MLC1: variants seen among roughly 807,000 people sequenced by gnomAD.
MLC1 encodes the protein modulator of VRAC current 1.
MLC1 carries 32 observed loss-of-function variants against 44.7 expected under a neutral mutation model. The observed-to-expected ratio is 0.72, with a 90% CI of 0.54 to 0.96. The LOEUF (loss-of-function observed/expected upper bound fraction) is 0.96, where lower values mean the gene tolerates loss of function less well. Among genes scored for constraint, MLC1 ranks in the 40% least tolerant of loss-of-function variants. MLC1 has a pLI of 0.00. For missense variants in MLC1, 459 were observed against 492.2 expected (o/e 0.93, Z 0.64); for synonymous variants, 190 against 213.0 (o/e 0.89, Z 0.94).
chr22:50,077,019 G>T, intron 6 of MLC1, 107 bp from the exon 7 acceptor site: 1 of 1,178,742 alleles, frequency 8.5e-7, no homozygotes, highest in Non-Finnish European at 1.3e-6. Flanking sequence ...CTGCCGTGTA[G>T]ATGCGAGACC....
intron 5 of MLC1, among the ~76,000 whole-genome samples, chr22:50,079,377 A>G (rs1445770432): frequency 6.6e-6 from 1 of 151,190 alleles, no homozygotes; most frequent in East Asian, 1.9e-4. Flanking sequence ...GAGAGTGGCC[A>G]GGACATACTC....
At chr22:50,079,111 T>A (rs1184052727) in intron 5 of MLC1, among the ~76,000 whole-genome samples, 1 of 151,910 alleles carries the variant, frequency 6.6e-6, no homozygotes, top group Non-Finnish European at 1.5e-5. Flanking sequence ...TGGTGAAACC[T>A]TGTCTGTACT....
intron 5 of MLC1, among the ~76,000 whole-genome samples, chr22:50,077,901 C>CCT (rs1310358573): frequency 3.3e-5 from 5 of 152,110 alleles, no homozygotes; most frequent in African/African-American, 1.2e-4. Context: ...CGACTGCAGG[C>CCT]CCTGACCGTA....
intron 9 of MLC1, among the ~76,000 whole-genome samples, chr22:50,068,790 G>T (rs2061781030): frequency 7.3e-6 from 1 of 137,388 alleles, no homozygotes; most frequent in African/African-American, 2.8e-5. Flanking sequence ...GCAGTGGCAT[G>T]ATCTTGGCTC....
chr22:50,079,554 G>A (rs2062066758), intron 5 of MLC1, among the ~76,000 whole-genome samples: 1 of 135,674 alleles, frequency 7.4e-6, no homozygotes, highest in Admixed American at 7.9e-5. Flanking sequence ...CTTCCAGGCT[G>A]GAGTGCAGTG....
At chr22:50,079,369 G>T (rs912680096) in intron 5 of MLC1, among the ~76,000 whole-genome samples, 1 of 151,242 alleles carries the variant, frequency 6.6e-6, no homozygotes, top group Non-Finnish European at 1.5e-5. Context: ...TGCCCAACGA[G>T]AGTGGCCAGG....
chr22:50,063,142 G>A (rs2061606994), intron 11 of MLC1, among the ~76,000 whole-genome samples: 1 of 152,190 alleles, frequency 6.6e-6, no homozygotes, highest in African/African-American at 2.4e-5. Flanking sequence ...TCCCAGGGAT[G>A]GGTCTGGGTT....
chr22:50,075,104 GC>G (rs2061946853), intron 7 of MLC1, among the ~76,000 whole-genome samples: 1 of 148,474 alleles, frequency 6.7e-6, no homozygotes, highest in African/African-American at 2.6e-5. Flanking sequence ...CACCATCAGG[GC>G]CGCAACCAGC....
rs1374086002 is a variant in MLC1 at position 50,079,996 on chromosome 22, A to C, written c.345T>G (p.Phe115Leu). 1 of 1,613,962 alleles carries C rather than the reference A, an allele frequency of 6.2e-7. No individual in the cohort carries two copies. Among genetic ancestry groups the C allele is most frequent in the African/African-American group, 1.3e-5 (1 of 74,954 alleles). The change falls in exon 5 of 12, where the codon TTT (phenylalanine) becomes TTG (leucine). Residue 115 changes from phenylalanine (F) to leucine (L), a missense_variant. Transcript: ENST00000311597. ...TAGTGGTCACAGCAAACGTGGAAAC[A>C]AACAATATCTGAAAGTTGGGAATCT... ...ANVIPNFQIL[F>L]VSTFAVTTTC...
chr22:50,083,053 C>T lies in MLC1; in HGVS notation c.267+31G>A. 2 of 1,605,126 alleles carry T rather than the reference C, an allele frequency of 1.2e-6. No homozygotes were observed. Among genetic ancestry groups the T allele is most frequent in the Non-Finnish European group, 1.7e-6 (2 of 1,172,058 alleles). Reference sequence around the variant, plus strand: ...CAGAGCACGTGCCGGCGAGCTTGGGCACTGGCAGAGGCGTGGAGGAAGCTG... The same window carrying T: ...CAGAGCACGTGCCGGCGAGCTTGGGTACTGGCAGAGGCGTGGAGGAAGCTG... On this transcript the variant is annotated intron_variant, in intron 3 of 11. Transcript: ENST00000311597. This position sits in a 1 kb window ranked among gnomAD's most constrained non-coding sequence, Gnocchi z 4.6.
rs765368024 is a variant in MLC1, at chr22:50,068,517, C to A, written c.810G>T (p.Pro270=). 2 of 1,611,178 alleles carry A rather than the reference C, an allele frequency of 1.2e-6. No individual in the cohort carries two copies. The highest frequency in any genetic ancestry group is 2.2e-5 in the South Asian group (2 of 91,054). Residue 270 remains proline, a synonymous_variant, in exon 10 of 12, where the codon CCG becomes CCT. Coordinates refer to ENST00000311597, the MANE Select transcript of MLC1 (RefSeq NM_015166.4). The part of the protein sequence containing the change: ...VLIAISSLTS[P]LLFTASGYLS... ...GATATCCAGAGGCTGTGAACAGCAG[C>A]GGAGACGTGAGGCTGCTTATGGCAA...
intron 8 of MLC1, among the ~76,000 whole-genome samples, chr22:50,073,894 A>T (rs1176234962): frequency 6.6e-6 from 1 of 152,238 alleles, no homozygotes; most frequent in African/African-American, 2.4e-5. Context: ...ATATAAATGC[A>T]TTATATATTA....
At chr22:50,077,611 C>A in intron 5 of MLC1, 109 bp from the exon 6 acceptor site, 1 of 867,854 alleles carries the variant, frequency 1.2e-6, no homozygotes, top group Non-Finnish European at 1.9e-6. Flanking sequence ...CTCTCAGCCA[C>A]GGTCCCCACT....
At position 50,077,482 on chromosome 22, in the gene MLC1, C is replaced by T; in HGVS notation, c.444G>A (p.Leu148=). The T allele has an allele frequency of 6.2e-7, 1 of 1,613,732 alleles. No homozygotes were observed. The highest frequency in any genetic ancestry group is 8.5e-7 in the Non-Finnish European group (1 of 1,180,008). The change falls in exon 6 of 12, where the codon CTG becomes CTA. Residue 148 remains leucine (L), a synonymous_variant. Transcript: ENST00000311597. The part of the protein sequence containing the change: ...SAININFNLI[L]LLLLELLMAA... ...CCATGAGCAGCTCCAGCAGGAGCAG[C>T]AGGATGAGGTTGAAGTTGATCTGCC...
intron 10 of MLC1, among the ~76,000 whole-genome samples, chr22:50,065,125 A>G (rs2061676184): frequency 6.6e-6 from 1 of 152,120 alleles, no homozygotes. Flanking sequence ...GGGTTTCACC[A>G]TGTTAGCCAG....
chr22:50,063,884 TGCAGGCCAC>T, intron 11 of MLC1, 141 bp downstream of exon 11: 1 of 216,760 alleles, frequency 4.6e-6, no homozygotes, highest in Non-Finnish European at 6.4e-6. Flanking sequence ...CCCCTCCCCC[TGCAGGCCAC>T]TCACCTCCCC....
rs530609043 is a variant in MLC1 at position 50,059,698 on chromosome 22, G to A, written c.*1885C>T. On this transcript the variant is annotated 3_prime_UTR_variant, in exon 12 of 12. Transcript: ENST00000311597. ...GTGGGGGTGGCCTGCAGACAGGGTG[G>A]GGTCTGCATCCGGTACCAGTGACAG... 1 of 152,428 alleles carries A rather than the reference G, an allele frequency of 6.6e-6. No individual in the cohort carries two copies. Among genetic ancestry groups the A allele is most frequent in the South Asian group, 2.1e-4 (1 of 4,818 alleles). 9.4% of individuals were successfully genotyped at this position (152,428 alleles called of 1,614,324 possible).
intron 11 of MLC1, among the ~76,000 whole-genome samples, chr22:50,062,737 C>A (rs2061598874): frequency 6.6e-6 from 1 of 152,230 alleles, no homozygotes; most frequent in African/African-American, 2.4e-5. Flanking sequence ...GGACTCAGAG[C>A]CCCGCTGAGT....
At chr22:50,067,549 ATCAGGCAGTGACTCCATCCCCCCG>A (rs2061735000) in intron 10 of MLC1, among the ~76,000 whole-genome samples, 15 of 13,662 alleles carry the variant, frequency 1.1e-3, no homozygotes, top group African/African-American at 2.0e-3. Flanking sequence ...CCATCCCCCC[ATCAGGCAGTGACTCCATCCCCCCG>A]TCAGGCAGTG....
Sources: gnomAD v4.1 joint callset for allele counts (sites outside exome capture counted in the v4.1 genomes callset) on GRCh38, gnomAD v4.1.1 for gene constraint, Gnocchi (gnomAD v3.1) non-coding constraint, MANE v1.5 for transcripts, NCBI Gene and HGNC (gene_info 2026-07-23, HGNC 2026-07-21) for gene names.